Variants in OR6C3 observed in about 807,000 individuals in gnomAD.
OR6C3 encodes the protein olfactory receptor family 6 subfamily C member 3.
For missense variants in OR6C3, 487 were observed against 364.6 expected, an observed-to-expected ratio of 1.34 and a Z score of -2.73; for synonymous variants, 177 against 137.4, an observed-to-expected ratio of 1.29 and a Z score of -2.02.
chr12:55,331,850 CCATCTGCAGA>C lies in OR6C3; in HGVS notation c.153_162del (p.Gln53CysfsTer11). 6.2e-7 allele frequency: 1 copy of C among 1,614,034 alleles called. No individual in the cohort carries two copies. Among genetic ancestry groups the C allele is most frequent in the Non-Finnish European group, 8.5e-7 (1 of 1,179,980 alleles). On this transcript the variant is annotated frameshift_variant, in exon 2 of 2. Transcript: ENST00000641740. LOFTEE classifies it low-confidence loss of function (END_TRUNC). ...TCATCACCCTAACCTTTGTGGACTCCCATCTGCAGACACCTATGTATTTCTTCCTCCGGAA... is the reference window on the plus strand; with the variant it reads ...TCATCACCCTAACCTTTGTGGACTCCCACCTATGTATTTCTTCCTCCGGAA...
At chr12:55,330,327 A>G (rs1041199316), upstream of OR6C3, 3 of 152,176 alleles carry the variant, frequency 2.0e-5, no homozygotes, top group Admixed American at 1.3e-4. Context: ...GAAGAGGAAT[A>G]TAATGTATTT....
intron 1 of OR6C3, 45 bp from the exon 2 acceptor site, chr12:55,331,612 T>A: frequency 1.3e-6 from 1 of 775,424 alleles, no homozygotes; most frequent in South Asian, 1.9e-5. Context: ...TTATATCTTT[T>A]ATCTATTTTC....
Position 55,332,480 on chromosome 12 carries a change from T to C in OR6C3, c.780T>C (p.Ser260=). Reference sequence around the variant, plus strand: ...GTATATTCATGTATGCTAATCCATCTGCAAAAGAAAAGGCATCATTGACAA... The same window carrying C: ...GTATATTCATGTATGCTAATCCATCCGCAAAAGAAAAGGCATCATTGACAA... ...GSCIFMYANP[S]AKEKASLTKG... is the part of the protein sequence containing the mutation. The change falls in exon 2 of 2, where the codon TCT becomes TCC. Residue 260 remains serine (S), a synonymous_variant. Coordinates refer to ENST00000641740, the MANE Select transcript of OR6C3 (RefSeq NM_001388498.1). 1 of 1,614,062 alleles carries C rather than the reference T, an allele frequency of 6.2e-7. No homozygotes were observed. Among genetic ancestry groups the C allele is most frequent in the Non-Finnish European group, 8.5e-7 (1 of 1,179,978 alleles).
rs148244034 is a variant in OR6C3 at position 55,331,793 on chromosome 12, G to A, written c.93G>A (p.Thr31=). The change falls in exon 2 of 2, where the codon ACG becomes ACA. Residue 31 remains threonine (T), a synonymous_variant. Coordinates refer to ENST00000641740, the MANE Select transcript of OR6C3 (RefSeq NM_001388498.1). ...TGATTTTTCTCTTTTTATTTATCAC[G>A]TATATATTAAGTGTTACTGGAAACC... ...QIVIFLFLFI[T]YILSVTGNLT... The A allele has an allele frequency of 1.3e-4, 216 of 1,613,144 alleles. 2 individuals are homozygous for A. In the Middle Eastern group the frequency reaches 1.8e-3, roughly 14 times the overall value.
upstream of OR6C3, chr12:55,330,489 C>T (rs541768888): frequency 6.6e-6 from 1 of 152,186 alleles, no homozygotes; most frequent in South Asian, 2.1e-4. Flanking sequence ...ACATTCTATC[C>T]ATCATAGCAG....
chr12:55,331,519 C>G (rs1296930232), intron 1 of OR6C3, 138 bp from the exon 2 acceptor site: 3 of 493,934 alleles, frequency 6.1e-6, no homozygotes, highest in Non-Finnish European at 1.1e-5. Context: ...AATATTAAAA[C>G]ATAATGCAAA....
rs1179128022 is a variant in OR6C3, at chr12:55,332,028, T to C, written c.328T>C (p.Tyr110His). 2 of 1,614,188 alleles carry C rather than the reference T, an allele frequency of 1.2e-6. No individual in the cohort carries two copies. Among genetic ancestry groups the C allele is most frequent in the Admixed American group, 1.7e-5 (1 of 60,024 alleles). ...TATCTTCATGGGGGTGACTGAATTT[T>C]ACATTTTAACTGCCATGTCCTATGA... is the stretch of plus-strand genomic sequence containing the variant. ...FFIFMGVTEF[Y>H]ILTAMSYDRY... Residue 110 changes from tyrosine (Y) to histidine (H), a missense_variant, in exon 2 of 2, where the codon TAC (tyrosine) becomes CAC (histidine). Coordinates refer to ENST00000641740, the MANE Select transcript of OR6C3 (RefSeq NM_001388498.1).
chr12:55,330,618 G>T (rs1868810124), upstream of OR6C3: 3 of 152,158 alleles, frequency 2.0e-5, no homozygotes, highest in African/African-American at 7.2e-5. Flanking sequence ...AGGTTAGAAT[G>T]AATGTGAGAG....
rs758467443 is a variant in OR6C3, at chr12:55,331,889, C to T, written c.189C>T (p.Phe63=). ...CTATGTATTTCTTCCTCCGGAACTT[C>T]TCTTTCTTAGAAATCTCATTTACAA... ...QTPMYFFLRN[F]SFLEISFTTV... The change falls in exon 2 of 2, where the codon TTC becomes TTT. Residue 63 remains phenylalanine, a synonymous_variant. Transcript: ENST00000641740. The T allele has an allele frequency of 6.2e-7, 1 of 1,614,166 alleles. No individual in the cohort carries two copies. The highest frequency in any genetic ancestry group is 1.7e-5 in the Admixed American group (1 of 60,020).
Position 55,331,763 on chromosome 12 carries a change from G to T in OR6C3, c.63G>T (p.Gln21His). 2 of 1,613,904 alleles carry T rather than the reference G, an allele frequency of 1.2e-6. No individual in the cohort carries two copies. The highest frequency in any genetic ancestry group is 1.7e-6 in the Non-Finnish European group (2 of 1,179,876). Reference sequence around the variant, plus strand: ...GCCTTTCTGATGATCCTGACCTTCAGATTGTGATTTTTCTCTTTTTATTTA... The same window carrying T: ...GCCTTTCTGATGATCCTGACCTTCATATTGTGATTTTTCTCTTTTTATTTA... ...LLGLSDDPDLQIVIFLFLFIT... is the reference protein window; with the variant it reads ...LLGLSDDPDLHIVIFLFLFIT... Residue 21 changes from glutamine (Q) to histidine (H), a missense_variant, in exon 2 of 2, where the codon CAG becomes CAT. Coordinates refer to ENST00000641740, the MANE Select transcript of OR6C3 (RefSeq NM_001388498.1).
Position 55,331,659 on chromosome 12 carries a change from C to A in OR6C3, c.-42C>A. The A allele has an allele frequency of 2.3e-6, 3 of 1,300,580 alleles. No homozygotes were observed. The highest frequency in any genetic ancestry group is 3.2e-6 in the Non-Finnish European group (3 of 930,548). 80.6% of individuals were successfully genotyped at this position (1,300,580 alleles called of 1,614,324 possible). On this transcript the variant is annotated splice_region_variant and 5_prime_UTR_variant, in exon 2 of 2. Coordinates refer to ENST00000641740, the MANE Select transcript of OR6C3 (RefSeq NM_001388498.1). ...TTCTACCAAAATATCTTTAAAAGAA[C>A]AAAAAGGAGAGTGGAAGAAGGAGAG...
Position 55,332,355 on chromosome 12 carries a change from A to T in OR6C3, c.655A>T (p.Ile219Phe), listed in dbSNP as rs80148330. 7.8e-4 allele frequency: 1,261 copies of T among 1,614,152 alleles called. 9 individuals carry two copies. The African/African-American group carries it at 0.015, about 20-fold the overall frequency. The change falls in exon 2 of 2, where the codon ATC (isoleucine) becomes TTC (phenylalanine). Residue 219 changes from isoleucine (I) to phenylalanine (F), a missense_variant. Ile to Phe is a conservative substitution (Grantham distance 21). Transcript: ENST00000641740. Reference sequence around the variant, plus strand: ...AGTGATTTTATCTTACATGTACATTATCAGGACCATTTTGAGAATCCCGTC... The same window carrying T: ...AGTGATTTTATCTTACATGTACATTTTCAGGACCATTTTGAGAATCCCGTC... ...ALVILSYMYI[I>F]RTILRIPSAS...
upstream of OR6C3, chr12:55,330,353 G>A (rs997263507): frequency 7.9e-5 from 12 of 151,850 alleles, no homozygotes; most frequent in Non-Finnish European, 1.5e-4. Context: ...TCTTCCAAAG[G>A]TTTCTGGCAT....
upstream of OR6C3, chr12:55,330,086 C>T (rs968887952): frequency 6.6e-6 from 1 of 152,062 alleles, no homozygotes; most frequent in Non-Finnish European, 1.5e-5. Context: ...AGAGATGTGG[C>T]CTGGACTTTG....
chr12:55,331,447 A>G (rs1868838596), intron 1 of OR6C3, among the ~76,000 whole-genome samples: 1 of 151,408 alleles, frequency 6.6e-6, no homozygotes. Flanking sequence ...TTGTCTGAAG[A>G]TATCCTAATT....
At position 55,331,712 on chromosome 12, in the gene OR6C3, A is replaced by T. The variant is rs778920995; in HGVS notation, c.12A>T (p.Thr4=). Residue 4 remains threonine (T), a synonymous_variant, in exon 2 of 2, where the codon ACA becomes ACT. Transcript: ENST00000641740. MNH[T]MVTEFVLLGL... is the part of the protein sequence containing the mutation. ...AGAAAGGACGAGACATGAACCACAC[A>T]ATGGTCACAGAGTTTGTCCTCCTGG... The T allele has an allele frequency of 3.1e-6, 5 of 1,610,602 alleles. No homozygotes were observed. Among genetic ancestry groups the T allele is most frequent in the African/African-American group, 1.3e-5 (1 of 74,834 alleles).
Position 55,331,963 on chromosome 12 carries a change from C to G in OR6C3, c.263C>G (p.Thr88Ser). 6.2e-7 allele frequency: 1 copy of G among 1,614,148 alleles called. No individual in the cohort carries two copies. Residue 88 changes from threonine (T) to serine (S), a missense_variant, in exon 2 of 2, where the codon ACT (threonine) becomes AGT (serine). By Grantham distance (58) the Thr-to-Ser change is moderately conservative (BLOSUM62 1). Transcript: ENST00000641740. ...GGGGCAATTATCACCAGGAATAAGA[C>G]TATTTCCTATAACAACTGTGCAGCC... ...FLGAIITRNK[T>S]ISYNNCAAQL...
At chr12:55,331,598 T>C (rs1868849287) in intron 1 of OR6C3, 59 bp from the exon 2 acceptor site, 1 of 700,192 alleles carries the variant, frequency 1.4e-6, no homozygotes, top group East Asian at 2.7e-5. Flanking sequence ...TGGATCATGA[T>C]GAATTATATC....
At position 55,331,707 on chromosome 12, in the gene OR6C3, C is replaced by A. The variant is rs749264509; in HGVS notation, c.7C>A (p.His3Asn). The A allele has an allele frequency of 2.2e-5, 35 of 1,605,970 alleles. No homozygotes were observed. Among genetic ancestry groups the A allele is most frequent in the African/African-American group, 2.7e-5 (2 of 74,638 alleles). MN[H>N]TMVTEFVLLG... ...GAGAGAGAAAGGACGAGACATGAAC[C>A]ACACAATGGTCACAGAGTTTGTCCT... Residue 3 changes from histidine (H) to asparagine (N), a missense_variant, in exon 2 of 2, where the codon CAC becomes AAC. By Grantham distance (68) the His-to-Asn change is moderately conservative. Transcript: ENST00000641740.
Sources: gnomAD v4.1 joint callset for allele counts (sites outside exome capture counted in the v4.1 genomes callset) on GRCh38, gnomAD v4.1.1 for gene constraint, MANE v1.5 for transcripts, NCBI Gene and HGNC (gene_info 2026-07-23, HGNC 2026-07-21) for gene names.